Variants in CLMP observed in about 807,000 individuals in gnomAD.
CLMP encodes CXADR like cell adhesion molecule, also known as CXADR-like membrane protein.
A neutral mutation model predicts 45.2 loss-of-function variants in CLMP; 27 were observed. That is an observed-to-expected ratio of 0.60 (90% CI 0.44 to 0.82). CLMP has a LOEUF of 0.82. CLMP is among the 40% of genes least tolerant of loss of function. The pLI is 0.00. For synonymous variants in CLMP, 167 were observed against 171.4 expected, an observed-to-expected ratio of 0.97 and a Z score of 0.20; for missense variants, 403 against 448.4, an observed-to-expected ratio of 0.90 and a Z score of 0.91.
At chr11:123,128,283 C>G (rs1860930355) in intron 1 of CLMP, among the ~76,000 whole-genome samples, 1 of 151,696 alleles carries the variant, frequency 6.6e-6, no homozygotes, top group African/African-American at 2.4e-5. Flanking sequence ...AAGGGGACTT[C>G]TTTAAAAAAA....
chr11:123,140,203 C>T (rs772829261), intron 1 of CLMP, among the ~76,000 whole-genome samples: 3 of 152,040 alleles, frequency 2.0e-5, no homozygotes, highest in African/African-American at 4.8e-5. Context: ...TTGGCTAAAG[C>T]GTAGTTATCT....
chr11:123,121,253 A>C (rs1038924623), intron 1 of CLMP, among the ~76,000 whole-genome samples: 1 of 151,882 alleles, frequency 6.6e-6, no homozygotes, highest in Non-Finnish European at 1.5e-5. Context: ...TTTTTTCTGA[A>C]GCTGTTGAAT....
chr11:123,171,070 G>A (rs1232393919), intron 1 of CLMP, among the ~76,000 whole-genome samples: 1 of 152,210 alleles, frequency 6.6e-6, no homozygotes, highest in Non-Finnish European at 1.5e-5. Context: ...AGCTCTGCTT[G>A]GGGTTGACGG....
intron 1 of CLMP, among the ~76,000 whole-genome samples, chr11:123,154,368 G>A (rs955603167): frequency 6.6e-6 from 1 of 152,162 alleles, no homozygotes; most frequent in Non-Finnish European, 1.5e-5. Flanking sequence ...ACATTGGCTG[G>A]GGAGACAGCC....
chr11:123,124,470 T>G (rs112885140), intron 1 of CLMP, among the ~76,000 whole-genome samples: 4,427 of 152,300 alleles, frequency 0.029, 83 homozygotes, highest in African/African-American at 0.05. Flanking sequence ...AATCATTAGG[T>G]AGTTGGATGT....
rs76295568 is a variant in CLMP, at chr11:123,119,546, A to T, written c.29-21594T>A. Reference sequence around the variant, plus strand: ...TAATTAATTATTAGCATCCCTTAAAAAGCTTTTTCGAATAACGTAATGTAA... The same window carrying T: ...TAATTAATTATTAGCATCCCTTAAATAGCTTTTTCGAATAACGTAATGTAA... On this transcript the variant is annotated intron_variant, in intron 1 of 6. Transcript: ENST00000448775. Among the ~76,000 whole-genome samples, 1,187 of 152,286 alleles carry T rather than the reference A, an allele frequency of 7.8e-3. 11 individuals carry two copies. Among genetic ancestry groups the T allele is most frequent in the African/African-American group, 0.027 (1,136 of 41,554 alleles).
chr11:123,136,917 T>C (rs1390370020), intron 1 of CLMP, among the ~76,000 whole-genome samples: 1 of 151,994 alleles, frequency 6.6e-6, no homozygotes, highest in East Asian at 1.9e-4. Flanking sequence ...AAAAATGGAA[T>C]CTTACTTATG....
chr11:123,110,715 A>G (rs1201615166), intron 1 of CLMP, among the ~76,000 whole-genome samples: 2 of 152,154 alleles, frequency 1.3e-5, no homozygotes, highest in Admixed American at 1.3e-4. Context: ...CTTCCTTCCC[A>G]GTCTGTGGGT....
At chr11:123,166,226 A>G (rs1861554836) in intron 1 of CLMP, among the ~76,000 whole-genome samples, 1 of 152,140 alleles carries the variant, frequency 6.6e-6, no homozygotes, top group South Asian at 2.1e-4. Context: ...TGTTGGATGT[A>G]GCGAGGTTTC....
chr11:123,163,951 CA>C (rs1349085329), intron 1 of CLMP, among the ~76,000 whole-genome samples: 1 of 152,094 alleles, frequency 6.6e-6, no homozygotes, highest in African/African-American at 2.4e-5. Flanking sequence ...CTGTAAAATG[CA>C]ACAATGACAA....
intron 1 of CLMP, among the ~76,000 whole-genome samples, chr11:123,155,489 C>A (rs532028634): frequency 2.6e-5 from 4 of 152,322 alleles, no homozygotes; most frequent in African/African-American, 9.6e-5. Context: ...TCATTTGGTA[C>A]TTACGCCCAT....
At chr11:123,125,651 T>G (rs1245004676) in intron 1 of CLMP, among the ~76,000 whole-genome samples, 2 of 149,888 alleles carry the variant, frequency 1.3e-5, no homozygotes, top group Admixed American at 6.7e-5. Flanking sequence ...TTGCCCAGCC[T>G]GGAGTGCAGT....
chr11:123,127,373 C>T lies in CLMP; in HGVS notation c.29-29421G>A, dbSNP rs183637828. On this transcript the variant is annotated intron_variant, in intron 1 of 6. Transcript: ENST00000448775. ...CTAACCTCAAGTGATCCACACACCTCGGCCTCCCAAAGTACTGGGATTACA... is the reference window on the plus strand; with the variant it reads ...CTAACCTCAAGTGATCCACACACCTTGGCCTCCCAAAGTACTGGGATTACA... Among the ~76,000 whole-genome samples, 96 of 152,290 alleles carry T rather than the reference C, an allele frequency of 6.3e-4. 1 individual carries two copies. Among genetic ancestry groups the T allele is most frequent in the Non-Finnish European group, 1.2e-3 (81 of 68,024 alleles).
In CLMP at chr11:123,106,596, C is replaced by A. The variant is rs546287316; in HGVS notation, c.29-8644G>T. 4.6e-5 allele frequency among the ~76,000 whole-genome samples: 7 copies of A among 152,196 alleles called. No individual in the cohort carries two copies. The South Asian group carries it at 1.0e-3, about 23-fold the overall frequency. On this transcript the variant is annotated intron_variant, in intron 1 of 6. Transcript: ENST00000448775. ...TTCCCTGATTGCTCCAAGTTGTTTA[C>A]TTTTCCGTAAAAGGAAAATAAAAAC...
chr11:123,099,903 T>C (rs554803109), intron 1 of CLMP, among the ~76,000 whole-genome samples: 1 of 152,250 alleles, frequency 6.6e-6, no homozygotes, highest in African/African-American at 2.4e-5. Flanking sequence ...AAGGGAAATA[T>C]TGAGACATAC....
intron 1 of CLMP, among the ~76,000 whole-genome samples, chr11:123,121,285 TTTTTGTTTTGTTTTG>T (rs546183356): frequency 6.6e-6 from 1 of 151,834 alleles, no homozygotes; most frequent in Non-Finnish European, 1.5e-5. Context: ...AAAATTCTTG[TTTTTGTTTTGTTTTG>T]TTTTGTTTTG....
chr11:123,122,567 G>A (rs1412122592), intron 1 of CLMP, among the ~76,000 whole-genome samples: 3 of 152,116 alleles, frequency 2.0e-5, no homozygotes, highest in Non-Finnish European at 2.9e-5. Flanking sequence ...TTTCTGTTGC[G>A]ACACCCTCTG....
intron 4 of CLMP, 70 bp from the exon 5 acceptor site, chr11:123,083,277 G>C (rs753925955): frequency 1.4e-6 from 2 of 1,405,260 alleles, no homozygotes; most frequent in Non-Finnish European, 2.0e-6. Flanking sequence ...TTACTTTATT[G>C]TATCACTGAG....
chr11:123,104,128 CTTTTTT>C (rs1241735527), intron 1 of CLMP, among the ~76,000 whole-genome samples: 4 of 72,366 alleles, frequency 5.5e-5, no homozygotes, highest in Admixed American at 3.7e-4. Flanking sequence ...CCATGCCTGG[CTTTTTT>C]TTTTTTTTTT....
Sources: gnomAD v4.1 joint callset for allele counts (sites outside exome capture counted in the v4.1 genomes callset) on GRCh38, gnomAD v4.1.1 for gene constraint, MANE v1.5 for transcripts, NCBI Gene and HGNC (gene_info 2026-07-23, HGNC 2026-07-21) for gene names.